Variants in DLC1 observed in about 807,000 individuals in gnomAD.
The protein encoded by DLC1 is rho GTPase-activating protein 7.
Under a neutral mutation model 140.3 loss-of-function variants are expected in DLC1, and 54 were observed. That is an observed-to-expected ratio of 0.38 (90% CI 0.31 to 0.48). The LOEUF (loss-of-function observed/expected upper bound fraction) is 0.48, where lower values mean the gene tolerates loss of function less well. DLC1 is among the 20% of genes least tolerant of loss of function. DLC1 has a pLI of 0.96. For synonymous variants in DLC1, 986 were observed against 728.1 expected (o/e 1.35, Z -5.70); for missense variants, 2,536 against 1,907.0 (o/e 1.33, Z -6.14).
intron 5 of DLC1, chr8:13,214,764 T>C: frequency 1.3e-6 from 1 of 780,948 alleles, no homozygotes; most frequent in Non-Finnish European, 2.4e-6. Context: ...CCAACTTTAC[T>C]GATTTTACCG....
chr8:13,500,453 A>G (rs1244202031), intron 1 of DLC1, among the ~76,000 whole-genome samples: 1 of 152,238 alleles, frequency 6.6e-6, no homozygotes, highest in Non-Finnish European at 1.5e-5. Context: ...ATTAATGAAT[A>G]AAGATACAAA....
intron 5 of DLC1, among the ~76,000 whole-genome samples, chr8:13,164,072 G>T (rs999432981): frequency 2.0e-5 from 3 of 152,010 alleles, no homozygotes; most frequent in African/African-American, 4.8e-5. Flanking sequence ...CGAGGCGGGC[G>T]GATCACCTGA....
chr8:13,459,025 A>G (rs922201541), intron 2 of DLC1, among the ~76,000 whole-genome samples: 2 of 152,210 alleles, frequency 1.3e-5, no homozygotes, highest in Non-Finnish European at 2.9e-5. Context: ...CCACACATCA[A>G]TCTATTTCTT....
intron 5 of DLC1, among the ~76,000 whole-genome samples, chr8:13,261,071 G>A (rs1310861067): frequency 3.9e-5 from 6 of 152,196 alleles, no homozygotes; most frequent in Non-Finnish European, 8.8e-5. Context: ...ATATGAAGAT[G>A]CACAATTACT....
rs1246764417 is a variant in DLC1 at position 13,506,581 on chromosome 8, G to GTGTGTGTGTATATATATATATA, written c.-125-6386_-125-6385insTATATATATATATACACACACA. Among the ~76,000 whole-genome samples, 340 of 130,782 alleles carry GTGTGTGTGTATATATATATATA rather than the reference G, an allele frequency of 2.6e-3. 4 individuals carry two copies. The highest frequency in any genetic ancestry group is 0.011 in the African/African-American group (328 of 30,848). 85.8% of individuals were successfully genotyped at this position (130,782 alleles called of 152,430 possible). Reference sequence around the variant, plus strand: ...CACACACACACATGTGTGTGTGTGTGTATATATATATATATATATATATAT... The same window carrying GTGTGTGTGTATATATATATATA: ...CACACACACACATGTGTGTGTGTGTGTGTGTGTGTATATATATATATATATATATATATATATATATATATAT... On this transcript the variant is annotated intron_variant, in intron 1 of 17. Transcript: ENST00000276297.
At chr8:13,590,407 C>T (rs78174789) in intron 1 of DLC1, among the ~76,000 whole-genome samples, 4,447 of 151,986 alleles carry the variant, frequency 0.029, 235 homozygotes, top group Admixed American at 0.12. Flanking sequence ...AGAAGGTGGT[C>T]ATATATGCAG....
At chr8:13,143,863 G>C (rs1278605216) in intron 5 of DLC1, among the ~76,000 whole-genome samples, 1 of 114,042 alleles carries the variant, frequency 8.8e-6, no homozygotes, top group East Asian at 2.2e-4. Flanking sequence ...ACATAGACAT[G>C]CCAAGGTTTT....
chr8:13,303,531 G>C (rs932420042), intron 5 of DLC1, among the ~76,000 whole-genome samples: 1 of 152,182 alleles, frequency 6.6e-6, no homozygotes, highest in Non-Finnish European at 1.5e-5. Context: ...TTTCATGCCA[G>C]GTGCTCACAC....
intron 1 of DLC1, among the ~76,000 whole-genome samples, chr8:13,537,506 G>A (rs1047756338): frequency 1.3e-5 from 2 of 152,134 alleles, no homozygotes; most frequent in Non-Finnish European, 2.9e-5. Flanking sequence ...CAAGTCTTAA[G>A]GTTTCAGTGT....
At position 13,553,066 on chromosome 8, in the gene DLC1, T is replaced by G. The variant is rs114801572; in HGVS notation, c.-126+51471A>C. ...GCTTACAAAATATTAGTTTCATTAA[T>G]GCAATAGTTATCAACACACAGAGAC... is the stretch of plus-strand genomic sequence containing the variant. On this transcript the variant is annotated intron_variant, in intron 1 of 1. Coordinates refer to the DLC1 transcript ENST00000631382. Among the ~76,000 whole-genome samples the G allele has an allele frequency of 3.3e-3, 497 of 151,376 alleles. 3 individuals carry two copies. The highest frequency in any genetic ancestry group is 0.012 in the African/African-American group (480 of 41,420).
At chr8:13,541,635 C>T (rs924146131) in intron 1 of DLC1, among the ~76,000 whole-genome samples, 2 of 152,120 alleles carry the variant, frequency 1.3e-5, no homozygotes, top group African/African-American at 2.4e-5. Context: ...CTGCAAGCTC[C>T]GCCTCCCGGG....
chr8:13,085,862 C>G lies in DLC1; in HGVS notation c.4536G>C (p.Arg1512=). The G allele has an allele frequency of 6.2e-7, 1 of 1,614,110 alleles. No homozygotes were observed. Among genetic ancestry groups the G allele is most frequent in the Non-Finnish European group, 8.5e-7 (1 of 1,180,010 alleles). ...CAGTGTTCTGGTTACTGAAGGAATCCCGGATCTTTACAACTTCAGCTGCAC... is the reference window on the plus strand; with the variant it reads ...CAGTGTTCTGGTTACTGAAGGAATCGCGGATCTTTACAACTTCAGCTGCAC... ...HLCAAEVVKI[R]DSFSNQNTET... The change falls in exon 18 of 18, where the codon CGG becomes CGC. Residue 1512 remains arginine, a synonymous_variant. Coordinates refer to ENST00000276297, the MANE Select transcript of DLC1 (RefSeq NM_182643.3).
At chr8:13,568,049 A>T (rs764683239) in intron 1 of DLC1, 6 of 1,282,198 alleles carry the variant, frequency 4.7e-6, no homozygotes, top group Non-Finnish European at 2.1e-6. Flanking sequence ...TCCTTCACAG[A>T]TTTGAGGACT....
chr8:13,563,286 A>G (rs963792076), intron 1 of DLC1, among the ~76,000 whole-genome samples: 1 of 152,186 alleles, frequency 6.6e-6, no homozygotes, highest in African/African-American at 2.4e-5. Flanking sequence ...CAGAATAATT[A>G]TTAGATGATA....
intron 5 of DLC1, among the ~76,000 whole-genome samples, chr8:13,258,072 C>T (rs1378093221): frequency 3.3e-5 from 5 of 152,196 alleles, no homozygotes; most frequent in African/African-American, 1.2e-4. Flanking sequence ...AAGTTTCAAT[C>T]CTTGTAGTGT....
At chr8:13,230,108 C>G (rs1371523638) in intron 5 of DLC1, among the ~76,000 whole-genome samples, 1 of 152,178 alleles carries the variant, frequency 6.6e-6, no homozygotes. Context: ...TTATGAGGTT[C>G]ACTGATTTCA....
intron 2 of DLC1, among the ~76,000 whole-genome samples, chr8:13,468,360 T>TCCCCC (rs1800046332): frequency 5.6e-5 from 1 of 17,706 alleles, no homozygotes; most frequent in Non-Finnish European, 1.0e-4. Context: ...TCCCCTCCCC[T>TCCCCC]CCCCTCCCCT....
At position 13,099,256 on chromosome 8, in the gene DLC1, C is replaced by G. The variant is rs542327526; in HGVS notation, c.2990+91G>C. The G allele has an allele frequency of 3.4e-4, 516 of 1,514,706 alleles. 12 individuals carry two copies. In the South Asian group the frequency reaches 4.8e-3, roughly 14 times the overall value. The allele number at this position is 1,514,706 out of a possible 1,614,324, so 93.8% of individuals were successfully genotyped here. A position where few individuals can be genotyped will look rare whatever the true frequency, so the allele number is the denominator to read the frequency against. ...AATGGACATGGCTAAGAATGCCAGA[C>G]TTAATCCCATTTCTTCCCACAGAAC... On this transcript the variant is annotated intron_variant, in intron 9 of 17. Coordinates refer to ENST00000276297, the MANE Select transcript of DLC1 (RefSeq NM_182643.3).
chr8:13,309,823 A>G (rs1832599050), intron 4 of DLC1, among the ~76,000 whole-genome samples: 2 of 152,184 alleles, frequency 1.3e-5, no homozygotes, highest in African/African-American at 2.4e-5. Flanking sequence ...ATCCATGACA[A>G]TTGACAATCT....
Sources: gnomAD v4.1 joint callset for allele counts (sites outside exome capture counted in the v4.1 genomes callset) on GRCh38, gnomAD v4.1.1 for gene constraint, MANE v1.5 for transcripts, NCBI Gene and HGNC (gene_info 2026-07-23, HGNC 2026-07-21) for gene names.